PTPRD: variants seen among roughly 807,000 people sequenced by gnomAD.
PTPRD encodes the protein receptor-type tyrosine-protein phosphatase delta.
PTPRD carries 34 observed loss-of-function variants against 214.5 expected under a neutral mutation model. That is an observed-to-expected ratio of 0.16 (90% confidence interval 0.12 to 0.21). The LOEUF is 0.21. PTPRD is among the 10% of genes least tolerant of loss of function. The pLI, the probability that PTPRD is intolerant of heterozygous loss-of-function variation, is 1.00. For synonymous variants in PTPRD, 1,128 were observed against 845.7 expected, an observed-to-expected ratio of 1.33 and a Z score of -5.79; for missense variants, 2,545 against 2,398.7, an observed-to-expected ratio of 1.06 and a Z score of -1.27.
intron 9 of PTPRD, among the ~76,000 whole-genome samples, chr9:9,358,091 T>C (rs2138801182): frequency 6.6e-6 from 1 of 151,380 alleles, no homozygotes; most frequent in East Asian, 1.9e-4. Flanking sequence ...TAAATCACAT[T>C]TCTGACCACA....
At chr9:9,557,023 A>C (rs1443509906) in intron 8 of PTPRD, among the ~76,000 whole-genome samples, 3 of 152,212 alleles carry the variant, frequency 2.0e-5, no homozygotes, top group Admixed American at 6.5e-5. Flanking sequence ...CTTTATCCAC[A>C]GAATGCTGAT....
intron 9 of PTPRD, among the ~76,000 whole-genome samples, chr9:9,344,601 T>C (rs944528205): frequency 5.3e-5 from 8 of 152,084 alleles, no homozygotes; most frequent in Non-Finnish European, 1.0e-4. Flanking sequence ...ATGACTAAAA[T>C]TCACAAATGC....
At chr9:9,565,705 G>A (rs1256407131) in intron 8 of PTPRD, among the ~76,000 whole-genome samples, 1 of 151,700 alleles carries the variant, frequency 6.6e-6, no homozygotes, top group East Asian at 1.9e-4. Context: ...CATATTCCCA[G>A]AAACTGTTAC....
chr9:9,738,763 G>C (rs960576748), intron 6 of PTPRD, among the ~76,000 whole-genome samples: 3 of 151,446 alleles, frequency 2.0e-5, no homozygotes, highest in Non-Finnish European at 4.4e-5. Context: ...TTTTTAATTG[G>C]GTTGTCTTTT....
chr9:10,097,581 T>C (rs922740035), intron 3 of PTPRD, among the ~76,000 whole-genome samples: 7 of 151,824 alleles, frequency 4.6e-5, no homozygotes, highest in South Asian at 4.1e-4. Context: ...TTTTTGCACA[T>C]TGATTTTGTA....
chr9:9,649,749 T>G, intron 7 of PTPRD, among the ~76,000 whole-genome samples: 1 of 152,322 alleles, frequency 6.6e-6, no homozygotes, highest in Admixed American at 6.5e-5. Flanking sequence ...ATTACAGATA[T>G]ATTTACCTGA....
chr9:9,918,545 A>G (rs1405802704), intron 5 of PTPRD, among the ~76,000 whole-genome samples: 1 of 152,046 alleles, frequency 6.6e-6, no homozygotes, highest in Admixed American at 6.6e-5. Context: ...AATAAATAGA[A>G]AAAAAATCAT....
In PTPRD at chr9:9,696,992, T is replaced by A. The variant is rs1220465319; in HGVS notation, c.-287+37541A>T. On this transcript the variant is annotated intron_variant, in intron 7 of 45. Transcript: ENST00000381196. ...TTCTTCTGTGAGGCTTACAAAAACA[T>A]ATAAAAATTTTATTTTAAATAGACA... 2.0e-5 allele frequency among the ~76,000 whole-genome samples: 3 copies of A among 152,160 alleles called. No homozygotes were observed. In the East Asian group the frequency reaches 5.8e-4, roughly 29 times the overall value.
chr9:8,484,971 TA>T (rs1162559205), intron 29 of PTPRD, among the ~76,000 whole-genome samples: 1 of 152,162 alleles, frequency 6.6e-6, no homozygotes, highest in Non-Finnish European at 1.5e-5. Flanking sequence ...AGCTTAGATG[TA>T]AAAAGTTCAA....
chr9:9,778,688 C>T (rs2098818958), intron 5 of PTPRD, among the ~76,000 whole-genome samples: 1 of 152,128 alleles, frequency 6.6e-6, no homozygotes, highest in African/African-American at 2.4e-5. Flanking sequence ...AGCCTGAATG[C>T]TCTACGTTCA....
At chr9:9,398,860 A>G (rs1015397275) in intron 8 of PTPRD, among the ~76,000 whole-genome samples, 3 of 151,974 alleles carry the variant, frequency 2.0e-5, no homozygotes, top group African/African-American at 7.2e-5. Context: ...TCATCTTAGA[A>G]AAGAGAACTT....
chr9:10,462,644 C>A (rs1294593393), intron 2 of PTPRD, among the ~76,000 whole-genome samples: 1 of 151,778 alleles, frequency 6.6e-6, no homozygotes, highest in Non-Finnish European at 1.5e-5. Context: ...TTCCACCAGT[C>A]CCCCTTTCTG....
chr9:8,899,516 A>G, intron 11 of PTPRD, among the ~76,000 whole-genome samples: 1 of 152,136 alleles, frequency 6.6e-6, no homozygotes, highest in East Asian at 1.9e-4. Flanking sequence ...AAGGTCTCAA[A>G]GCAGAAATTT....
At chr9:10,574,817 T>C (rs897328258) in intron 2 of PTPRD, among the ~76,000 whole-genome samples, 1 of 134,152 alleles carries the variant, frequency 7.5e-6, no homozygotes, top group South Asian at 2.7e-4. Flanking sequence ...TGTGTGCATA[T>C]ATATATATAT....
intron 14 of PTPRD, among the ~76,000 whole-genome samples, chr9:8,595,697 T>C (rs1218954513): frequency 1.3e-5 from 2 of 152,224 alleles, no homozygotes; most frequent in African/African-American, 2.4e-5. Flanking sequence ...ATAAACACTC[T>C]TCTTTAGAAT....
intron 3 of PTPRD, among the ~76,000 whole-genome samples, chr9:10,227,984 A>T (rs558441552): frequency 2.0e-5 from 3 of 152,108 alleles, no homozygotes; most frequent in African/African-American, 7.2e-5. Context: ...TTTCTTGTTA[A>T]TATAACTACA....
chr9:9,251,790 T>A (rs1031912569), intron 9 of PTPRD, among the ~76,000 whole-genome samples: 6 of 152,082 alleles, frequency 3.9e-5, no homozygotes, highest in African/African-American at 1.4e-4. Context: ...AAAGAATGAT[T>A]TGAGATATAA....
At chr9:9,533,182 T>C (rs146979638) in intron 8 of PTPRD, among the ~76,000 whole-genome samples, 2,044 of 152,254 alleles carry the variant, frequency 0.013, 21 homozygotes, top group Non-Finnish European at 0.023. Flanking sequence ...ATATGTTTTC[T>C]TCATTTCTTT....
At chr9:9,605,911 C>T (rs1445362084) in intron 7 of PTPRD, among the ~76,000 whole-genome samples, 1 of 152,002 alleles carries the variant, frequency 6.6e-6, no homozygotes, top group Non-Finnish European at 1.5e-5. Context: ...GGCCAAAGTG[C>T]AAAACTAAGC....
Sources: allele counts gnomAD v4.1 joint callset (sites outside exome capture counted in the v4.1 genomes callset), GRCh38; gene constraint gnomAD v4.1.1; transcripts MANE v1.5; gene names NCBI Gene and HGNC (gene_info 2026-07-23, HGNC 2026-07-21).